GPR158: variants seen among roughly 807,000 people sequenced by gnomAD.
GPR158 encodes metabotropic glycine receptor.
GPR158 carries 30 observed loss-of-function variants against 78.2 expected under a neutral mutation model. The ratio of observed to expected loss-of-function variants is 0.38; its 90% CI spans 0.29 to 0.52. The LOEUF is 0.52. Among genes scored for constraint, GPR158 ranks in the 20% least tolerant of loss-of-function variants. The probability of loss-of-function intolerance (pLI) is 0.83; values close to 1 mark genes in which losing one functional copy is unlikely to be tolerated. For missense variants in GPR158, 1,463 were observed against 1,523.5 expected, an observed-to-expected ratio of 0.96 and a Z score of 0.66; for synonymous variants, 581 against 591.1, an observed-to-expected ratio of 0.98 and a Z score of 0.25.
At chr10:25,185,735 A>G (rs558963299) in intron 1 of GPR158, among the ~76,000 whole-genome samples, 7 of 152,210 alleles carry the variant, frequency 4.6e-5, no homozygotes, top group African/African-American at 1.7e-4. Context: ...AGGCAGGAGA[A>G]TGGCGTGAAC....
chr10:25,390,294 C>G (rs759099045), intron 2 of GPR158, among the ~76,000 whole-genome samples: 9 of 152,122 alleles, frequency 5.9e-5, no homozygotes, highest in Non-Finnish European at 1.2e-4. Flanking sequence ...GAGGTTGGAA[C>G]AGTTTGGAGG....
chr10:25,419,526 T>C (rs1026367984), intron 4 of GPR158, among the ~76,000 whole-genome samples: 4 of 152,236 alleles, frequency 2.6e-5, no homozygotes, highest in African/African-American at 9.6e-5. Flanking sequence ...ATGGAATTGC[T>C]GGATCATATA....
chr10:25,441,567 G>A (rs550524141), intron 4 of GPR158, among the ~76,000 whole-genome samples: 2 of 152,268 alleles, frequency 1.3e-5, no homozygotes, highest in East Asian at 3.9e-4. Context: ...CTCTTGTGCA[G>A]CCTTTTGAAA....
At chr10:25,314,283 TAG>T (rs1854813216) in intron 2 of GPR158, among the ~76,000 whole-genome samples, 1 of 152,054 alleles carries the variant, frequency 6.6e-6, no homozygotes, top group African/African-American at 2.4e-5. Context: ...GTATTTTTAA[TAG>T]AGACGGGGTT....
At chr10:25,467,734 G>A (rs1466909209) in intron 5 of GPR158, among the ~76,000 whole-genome samples, 1 of 152,100 alleles carries the variant, frequency 6.6e-6, no homozygotes, top group Admixed American at 6.6e-5. Context: ...TAGTAGCAGA[G>A]AACAGTACAC....
intron 2 of GPR158, among the ~76,000 whole-genome samples, chr10:25,239,464 C>T (rs1437126095): frequency 2.0e-5 from 3 of 151,898 alleles, no homozygotes; most frequent in East Asian, 1.9e-4. Flanking sequence ...AAAAATGAGC[C>T]GGGCATGGTG....
chr10:25,544,161 C>G (rs895557022), intron 5 of GPR158, among the ~76,000 whole-genome samples: 2 of 152,204 alleles, frequency 1.3e-5, no homozygotes, highest in African/African-American at 4.8e-5. Flanking sequence ...ATTATGCAAG[C>G]TCTTCAGTCC....
rs191924213 is a variant in GPR158, at chr10:25,397,725, A to G, written c.1111+1712A>G. Among the ~76,000 whole-genome samples, 12 of 152,350 alleles carry G rather than the reference A, an allele frequency of 7.9e-5. No individual in the cohort carries two copies. The East Asian group carries it at 2.1e-3, about 27-fold the overall frequency. On this transcript the variant is annotated intron_variant, in intron 3 of 10. Transcript: ENST00000376351. ...TTGTTCTGAGTGAGTTGTTGTAGGC[A>G]GAATTCTAAGGTGGCCTCCCAGGTT...
Position 25,204,181 on chromosome 10 carries a change from C to A in GPR158, c.903-16871C>A, listed in dbSNP as rs113901074. On this transcript the variant is annotated intron_variant, in intron 1 of 10. Transcript: ENST00000376351. Reference sequence around the variant, plus strand: ...GAGACAATGGGGTTTTCTAAATATACAATCATGTCATCTGCAAACAAAGAC... The same window carrying A: ...GAGACAATGGGGTTTTCTAAATATAAAATCATGTCATCTGCAAACAAAGAC... Among the ~76,000 whole-genome samples the A allele has an allele frequency of 7.4e-3, 1,133 of 152,264 alleles. 21 individuals carry two copies. Among genetic ancestry groups the A allele is most frequent in the African/African-American group, 0.026 (1,073 of 41,548 alleles).
chr10:25,376,435 T>A (rs1834080777), intron 2 of GPR158, among the ~76,000 whole-genome samples: 2 of 151,674 alleles, frequency 1.3e-5, no homozygotes, highest in Non-Finnish European at 3.0e-5. Context: ...TTATCTTTCC[T>A]CTTTGATTCT....
chr10:25,578,540 A>AAACTC (rs1837137674), intron 7 of GPR158, among the ~76,000 whole-genome samples: 1 of 152,236 alleles, frequency 6.6e-6, no homozygotes, highest in East Asian at 1.9e-4. Context: ...CCATTTTATG[A>AAACTC]AACTCTACCT....
At chr10:25,279,960 T>A (rs1831918) in intron 2 of GPR158, among the ~76,000 whole-genome samples, 3 of 149,204 alleles carry the variant, frequency 2.0e-5, no homozygotes, top group African/African-American at 4.9e-5. Flanking sequence ...AAGGTAACCA[T>A]TAAAATGAAA....
At chr10:25,317,349 G>A (rs946266834) in intron 2 of GPR158, among the ~76,000 whole-genome samples, 1 of 151,940 alleles carries the variant, frequency 6.6e-6, no homozygotes, top group Non-Finnish European at 1.5e-5. Context: ...CACCTGGCCT[G>A]TGGTTTTTTA....
intron 6 of GPR158, among the ~76,000 whole-genome samples, chr10:25,568,783 A>G (rs927329774): frequency 1.3e-5 from 2 of 152,170 alleles, no homozygotes; most frequent in East Asian, 1.9e-4. Flanking sequence ...GCCTTTTCAT[A>G]TGAAATTTTG....
intron 2 of GPR158, among the ~76,000 whole-genome samples, chr10:25,314,564 T>C (rs1002483636): frequency 2.0e-5 from 3 of 151,886 alleles, no homozygotes; most frequent in Admixed American, 2.0e-4. Context: ...ATTTATTAAT[T>C]AGATCAATGT....
chr10:25,219,813 G>A (rs1250845159), intron 1 of GPR158, among the ~76,000 whole-genome samples: 1 of 152,194 alleles, frequency 6.6e-6, no homozygotes, highest in Admixed American at 6.5e-5. Context: ...GTCATAAGAT[G>A]TGTGGCAAAA....
intron 2 of GPR158, among the ~76,000 whole-genome samples, chr10:25,355,110 A>G (rs1855530517): frequency 6.6e-6 from 1 of 151,958 alleles, no homozygotes; most frequent in Non-Finnish European, 1.5e-5. Flanking sequence ...CAAGTTTTGG[A>G]AAGTTTTATA....
intron 2 of GPR158, among the ~76,000 whole-genome samples, chr10:25,333,088 C>T (rs1189389832): frequency 6.6e-6 from 1 of 152,066 alleles, no homozygotes; most frequent in East Asian, 1.9e-4. Flanking sequence ...GTCTTACCAA[C>T]GAGAGAGGCA....
intron 5 of GPR158, among the ~76,000 whole-genome samples, chr10:25,546,713 C>A (rs946242926): frequency 6.6e-6 from 1 of 152,138 alleles, no homozygotes; most frequent in East Asian, 1.9e-4. Flanking sequence ...ATGGTTGTCA[C>A]GGAGCCTGCA....
Sources: allele counts gnomAD v4.1 joint callset (sites outside exome capture counted in the v4.1 genomes callset), GRCh38; gene constraint gnomAD v4.1.1; transcripts MANE v1.5; gene names NCBI Gene and HGNC (gene_info 2026-07-23, HGNC 2026-07-21).